TRIM37: variants seen among roughly 807,000 people sequenced by gnomAD.
TRIM37 encodes the protein E3 ubiquitin-protein ligase TRIM37.
A neutral mutation model predicts 129.8 loss-of-function variants in TRIM37; 80 were observed. That is an observed-to-expected ratio of 0.62 (90% CI 0.51 to 0.74). The LOEUF (loss-of-function observed/expected upper bound fraction) is 0.74, where lower values mean the gene tolerates loss of function less well. Ranked by LOEUF, TRIM37 falls within the 30% of genes least tolerant of loss-of-function variation. The probability of loss-of-function intolerance (pLI) is 0.00; values close to 1 mark genes in which losing one functional copy is unlikely to be tolerated. For missense variants in TRIM37, 1,054 were observed against 1,176.5 expected, an observed-to-expected ratio of 0.90 and a Z score of 1.52; for synonymous variants, 389 against 387.1, an observed-to-expected ratio of 1.00 and a Z score of -0.06.
chr17:59,081,216 CATGCTATTTAA>C lies in TRIM37; in HGVS notation c.370-8_372del, dbSNP rs747528226. The C allele has an allele frequency of 6.2e-7, 1 of 1,613,380 alleles. No homozygotes were observed. The highest frequency in any genetic ancestry group is 8.5e-7 in the Non-Finnish European group (1 of 1,179,646). Reference sequence around the variant, plus strand: ...GCCAAAGGTTTAAAGGTATGTCCGCCATGCTATTTAAATTAGAGTAGCTTTAGAACACTTTC... The same window carrying C: ...GCCAAAGGTTTAAAGGTATGTCCGCCATTAGAGTAGCTTTAGAACACTTTC... On this transcript the variant is annotated splice_acceptor_variant and splice_polypyrimidine_tract_variant and coding_sequence_variant and intron_variant, in exon 6 of 24. Transcript: ENST00000262294. LOFTEE classifies it high-confidence loss of function.
At chr17:58,970,491 C>T in the TRIM37 span, among the ~76,000 whole-genome samples, 3 of 152,126 alleles carry the variant, frequency 2.0e-5, no homozygotes, top group African/African-American at 7.2e-5. Context: ...AAAAATAAGA[C>T]TCCTGCCCTG....
At chr17:59,050,903 C>T (rs1010222298) in intron 14 of TRIM37, among the ~76,000 whole-genome samples, 1 of 151,994 alleles carries the variant, frequency 6.6e-6, no homozygotes, top group African/African-American at 2.4e-5. Context: ...TGGCGTGAAC[C>T]CAGGAGGCGG....
chr17:59,090,284 A>G (rs1000896610), intron 3 of TRIM37, among the ~76,000 whole-genome samples: 7 of 152,198 alleles, frequency 4.6e-5, no homozygotes, highest in African/African-American at 1.4e-4. Context: ...ATGTATACAT[A>G]CAATCAAGAA....
intron 2 of TRIM37, among the ~76,000 whole-genome samples, chr17:59,096,160 A>G (rs1179919020): frequency 2.0e-5 from 3 of 152,202 alleles, no homozygotes; most frequent in Non-Finnish European, 4.4e-5. Flanking sequence ...TATCATAAAG[A>G]TTGTATATAT....
At chr17:59,059,462 A>T (rs1049444401) in intron 12 of TRIM37, 1 of 151,340 alleles carries the variant, frequency 6.6e-6, no homozygotes, top group Non-Finnish European at 1.5e-5. Flanking sequence ...TGCAGCCTCG[A>T]CTTCCTGGGC....
At chr17:59,062,117 T>C (rs79831108) in intron 11 of TRIM37, among the ~76,000 whole-genome samples, 5 of 152,126 alleles carry the variant, frequency 3.3e-5, no homozygotes, top group African/African-American at 7.2e-5. Flanking sequence ...AAATGTGTAA[T>C]AGTAAATTAC....
chr17:59,004,382 C>T (rs2034196248), intron 22 of TRIM37, among the ~76,000 whole-genome samples: 1 of 151,820 alleles, frequency 6.6e-6, no homozygotes, highest in Non-Finnish European at 1.5e-5. Context: ...AATCAATAAT[C>T]TAAACTACTA....
downstream of TRIM37, chr17:58,980,964 T>G (rs376030062): frequency 3.7e-6 from 6 of 1,614,010 alleles, no homozygotes; most frequent in African/African-American, 6.7e-5. This position sits in a 1 kb window ranked among gnomAD's most constrained non-coding sequence, Gnocchi z 4.7. Flanking sequence ...AGTGAAAACA[T>G]GAGGAAGCTC....
At chr17:59,015,578 T>C in intron 21 of TRIM37, 32 bp downstream of exon 21, 2 of 1,604,236 alleles carry the variant, frequency 1.2e-6, no homozygotes, top group Non-Finnish European at 1.7e-6. Flanking sequence ...TTAGCTATTA[T>C]ACCATTACAT....
intron 18 of TRIM37, among the ~76,000 whole-genome samples, chr17:59,031,565 GAAGT>G (rs2037847967): frequency 6.6e-6 from 1 of 152,192 alleles, no homozygotes; most frequent in South Asian, 2.1e-4. Context: ...GTTCCACTTG[GAAGT>G]AAGGGAATTC....
chr17:58,998,096 TA>T, downstream of TRIM37: 2 of 565,970 alleles, frequency 3.5e-6, no homozygotes, highest in Non-Finnish European at 4.5e-6. Context: ...GCCATTAGAC[TA>T]AACACAAACT....
intron 22 of TRIM37, among the ~76,000 whole-genome samples, chr17:59,008,926 G>C (rs1396481667): frequency 1.3e-5 from 2 of 152,104 alleles, no homozygotes; most frequent in Admixed American, 6.6e-5. Flanking sequence ...TTCTAGCTGG[G>C]ACATTCCACG....
At chr17:59,080,054 T>G (rs570019478) in intron 6 of TRIM37, among the ~76,000 whole-genome samples, 177 bp from the exon 7 acceptor site, 2 of 152,266 alleles carry the variant, frequency 1.3e-5, no homozygotes, top group South Asian at 4.1e-4. Context: ...AAAACACAAA[T>G]TTTCTGCATA....
chr17:59,012,858 A>G (rs912921009), intron 21 of TRIM37, among the ~76,000 whole-genome samples: 1 of 151,482 alleles, frequency 6.6e-6, no homozygotes, highest in Non-Finnish European at 1.5e-5. Context: ...CCTGGGCAAC[A>G]GAGTGAGACT....
chr17:58,988,299 G>A (rs2144025446), intron 24 of TRIM37, among the ~76,000 whole-genome samples: 1 of 151,954 alleles, frequency 6.6e-6, no homozygotes, highest in East Asian at 1.9e-4. Flanking sequence ...AAGAAGTGTC[G>A]GCTGTGACAC....
Position 59,015,670 on chromosome 17 carries a change from ACAACAG to A in TRIM37, c.2510_2515del (p.Ala837_Val838del). 1 of 1,614,186 alleles carries A rather than the reference ACAACAG, an allele frequency of 6.2e-7. No individual in the cohort carries two copies. The highest frequency in any genetic ancestry group is 8.5e-7 in the Non-Finnish European group (1 of 1,180,036). On this transcript the variant is annotated inframe_deletion, in exon 21 of 24. Coordinates refer to ENST00000262294, the MANE Select transcript of TRIM37 (RefSeq NM_015294.6). ...AGGCAAGCCACTGAAAACTGCAACC[ACAACAG>A]CATCTGAATCCAAAGCTTTACACTG...
At chr17:58,987,308 T>G (rs1013376812) in intron 24 of TRIM37, among the ~76,000 whole-genome samples, 2 of 152,136 alleles carry the variant, frequency 1.3e-5, no homozygotes, top group African/African-American at 4.8e-5. Context: ...TTAAGCCAAA[T>G]CGAGTTGCTA....
At chr17:58,970,651 A>T in the TRIM37 span, among the ~76,000 whole-genome samples, 2 of 152,228 alleles carry the variant, frequency 1.3e-5, no homozygotes, top group East Asian at 3.9e-4. Context: ...ATTAAGAAAG[A>T]GAATTATTCT....
rs201495425 is a variant in TRIM37 at position 59,005,241 on chromosome 17, T to TA, written c.2696-3528dup. On this transcript the variant is annotated intron_variant, in intron 22 of 23. Coordinates refer to ENST00000262294, the MANE Select transcript of TRIM37 (RefSeq NM_015294.6). ...ATTCCCCAAATCTACATTATTCTTT[T>TA]AAAAAAGTTATTAAATACATTTTTC... 4.5e-3 allele frequency among the ~76,000 whole-genome samples: 682 copies of TA among 152,272 alleles called. 17 individuals carry two copies. Among genetic ancestry groups the TA allele is most frequent in the East Asian group, 0.035 (182 of 5,186 alleles).
Sources: allele counts gnomAD v4.1 joint callset (sites outside exome capture counted in the v4.1 genomes callset), GRCh38; gene constraint gnomAD v4.1.1; non-coding constraint Gnocchi (gnomAD v3.1); transcripts MANE v1.5; gene names NCBI Gene and HGNC (gene_info 2026-07-23, HGNC 2026-07-21).